The following COA1 variants were observed in gnomAD, a reference collection of about 807,000 sequenced individuals.
COA1 encodes cytochrome c oxidase assembly factor 1, also known as cytochrome c oxidase assembly factor 1 homolog.
Under a neutral mutation model 16.0 loss-of-function variants are expected in COA1, and 13 were observed. The observed-to-expected ratio is 0.81, with a 90% CI of 0.53 to 1.29. The LOEUF is 1.29. Among genes scored for constraint, COA1 ranks in the 50% most tolerant of loss-of-function variants. The pLI is 0.00. For synonymous variants in COA1, 65 were observed against 65.7 expected (o/e 0.99, Z 0.05); for missense variants, 179 against 177.0 (o/e 1.01, Z -0.06).
chr7:43,631,041 C>T (rs1471381352), intron 6 of COA1: 2 of 152,114 alleles, frequency 1.3e-5, no homozygotes, highest in African/African-American at 4.8e-5. Context: ...ATCGTTATTC[C>T]TGACATCCCA....
chr7:43,618,296 A>C (rs746831589), intron 6 of COA1, among the ~76,000 whole-genome samples: 7 of 152,174 alleles, frequency 4.6e-5, no homozygotes, highest in Non-Finnish European at 8.8e-5. Flanking sequence ...CCCATCATGC[A>C]TGGAATGAGG....
intron 1 of COA1, among the ~76,000 whole-genome samples, chr7:43,693,763 A>G (rs1485845513): frequency 6.6e-6 from 1 of 151,964 alleles, no homozygotes; most frequent in Non-Finnish European, 1.5e-5. Flanking sequence ...ATCACCAGGA[A>G]CCCCAATCCT....
intron 1 of COA1, among the ~76,000 whole-genome samples, chr7:43,700,360 T>A (rs2094679031): frequency 6.6e-6 from 1 of 151,958 alleles, no homozygotes; most frequent in Non-Finnish European, 1.5e-5. Context: ...AAATTTTCTA[T>A]AACAAAAGAA....
chr7:43,629,121 C>A (rs1333262320), intron 6 of COA1, among the ~76,000 whole-genome samples: 1 of 152,206 alleles, frequency 6.6e-6, no homozygotes, highest in Non-Finnish European at 1.5e-5. Context: ...AGTCTCCTTT[C>A]ACTGTTAAAC....
chr7:43,623,270 A>G (rs2084109990), intron 6 of COA1: 2 of 295,512 alleles, frequency 6.8e-6, no homozygotes, highest in South Asian at 8.3e-5. Context: ...ATGATCTGAT[A>G]GAGACAATGC....
At chr7:43,693,280 C>T (rs2094432564) in intron 1 of COA1, among the ~76,000 whole-genome samples, 1 of 152,154 alleles carries the variant, frequency 6.6e-6, no homozygotes, top group African/African-American at 2.4e-5. Context: ...ATCCCTAATC[C>T]ACCTTGTGGC....
At chr7:43,640,045 A>G (rs1311377455) in intron 5 of COA1, among the ~76,000 whole-genome samples, 1 of 152,206 alleles carries the variant, frequency 6.6e-6, no homozygotes, top group Non-Finnish European at 1.5e-5. Context: ...AGGGTGAGCT[A>G]GGTGGGGCCT....
intron 1 of COA1, among the ~76,000 whole-genome samples, chr7:43,681,564 T>C (rs916611552): frequency 2.0e-5 from 3 of 152,152 alleles, no homozygotes; most frequent in African/African-American, 4.8e-5. Context: ...CTTGCAAAAA[T>C]AAGGTACAAT....
chr7:43,633,858 G>A (rs2085436277), intron 6 of COA1, among the ~76,000 whole-genome samples: 1 of 151,448 alleles, frequency 6.6e-6, no homozygotes, highest in Admixed American at 6.6e-5. Context: ...CTTTCTTAGA[G>A]CCATGATTCA....
intron 3 of COA1, chr7:43,647,177 C>A: frequency 3.2e-6 from 1 of 309,248 alleles, no homozygotes; most frequent in Non-Finnish European, 6.0e-6. Flanking sequence ...GACGCACAGC[C>A]ACAGCTTTCC....
At chr7:43,709,810 G>C (rs917911597) in intron 1 of COA1, among the ~76,000 whole-genome samples, 1 of 151,958 alleles carries the variant, frequency 6.6e-6, no homozygotes, top group Non-Finnish European at 1.5e-5. Context: ...GTGATAGCCC[G>C]TAACTAAATC....
chr7:43,651,980 G>C (rs1447658149), intron 1 of COA1, among the ~76,000 whole-genome samples: 1 of 152,198 alleles, frequency 6.6e-6, no homozygotes, highest in Non-Finnish European at 1.5e-5. Flanking sequence ...CTGGGCAACA[G>C]AGCGAGGCCC....
At chr7:43,641,996 A>T (rs10260914) in intron 4 of COA1, 1 of 151,962 alleles carries the variant, frequency 6.6e-6, no homozygotes. Flanking sequence ...AGGGGAGGGA[A>T]TTGGGGCGGG....
intron 1 of COA1, among the ~76,000 whole-genome samples, chr7:43,682,769 T>C (rs1054508284): frequency 1.3e-5 from 2 of 152,184 alleles, no homozygotes; most frequent in East Asian, 1.9e-4. Context: ...TAGGTAGCTA[T>C]AAACAGGCAA....
At chr7:43,728,255 T>A (rs1338320053) in intron 1 of COA1, among the ~76,000 whole-genome samples, 2 of 152,228 alleles carry the variant, frequency 1.3e-5, no homozygotes, top group Non-Finnish European at 2.9e-5. Context: ...ATTACAGGCG[T>A]GAGGCACCGC....
Position 43,691,441 on chromosome 7 carries a change from GAAA to G in COA1, c.-39+37985_-39+37987del, listed in dbSNP as rs1309948559. Among the ~76,000 whole-genome samples, 95 of 132,312 alleles carry G rather than the reference GAAA, an allele frequency of 7.2e-4. 3 individuals carry two copies. Among genetic ancestry groups the G allele is most frequent in the African/African-American group, 3.1e-3 (91 of 29,658 alleles). The allele number at this position is 132,312 out of a possible 152,430, so 86.8% of individuals were successfully genotyped here. ...AAAGAAAAAGAAAGAAAGAAAGAAA[GAAA>G]GAAAGAAAGAAAGAAAGAAAGAAAG... On this transcript the variant is annotated intron_variant, in intron 1 of 5. Coordinates refer to ENST00000223336, the MANE Select transcript of COA1 (RefSeq NM_018224.4).
intron 1 of COA1, among the ~76,000 whole-genome samples, chr7:43,682,302 T>C (rs1355582292): frequency 1.3e-5 from 2 of 152,238 alleles, no homozygotes; most frequent in Admixed American, 6.5e-5. Context: ...TGAGAAATTA[T>C]TGATCACTAC....
intron 1 of COA1, among the ~76,000 whole-genome samples, chr7:43,691,054 CAAAAAAAA>C (rs1173049196): frequency 5.0e-5 from 2 of 40,024 alleles, no homozygotes; most frequent in East Asian, 1.8e-3. Context: ...CTCATCACTA[CAAAAAAAA>C]AAAAAAAAAA....
At chr7:43,645,825 T>C (rs545767143) in intron 3 of COA1, 12 of 159,308 alleles carry the variant, frequency 7.5e-5, no homozygotes, top group Admixed American at 1.2e-4. Context: ...CCAGAATCCA[T>C]GATACCTGAC....
Sources: allele counts gnomAD v4.1 joint callset (sites outside exome capture counted in the v4.1 genomes callset), GRCh38; gene constraint gnomAD v4.1.1; transcripts MANE v1.5; gene names NCBI Gene and HGNC (gene_info 2026-07-23, HGNC 2026-07-21).